The following EOGT variants were observed in gnomAD, a reference collection of about 807,000 sequenced individuals.
EOGT encodes the protein EGF domain-specific O-linked N-acetylglucosamine transferase.
A neutral mutation model predicts 70.5 loss-of-function variants in EOGT; 55 were observed. The observed-to-expected ratio is 0.78, with a 90% CI of 0.63 to 0.98. The LOEUF is 0.98. Among genes scored for constraint, EOGT ranks in the 50% least tolerant of loss-of-function variants. The probability of loss-of-function intolerance (pLI) is 0.00; values close to 1 mark genes in which losing one functional copy is unlikely to be tolerated. For missense variants in EOGT, 703 were observed against 641.9 expected (o/e 1.10, Z -1.03); for synonymous variants, 246 against 217.1 (o/e 1.13, Z -1.17).
chr3:68,994,650 G>A (rs1477298036), intron 10 of EOGT, among the ~76,000 whole-genome samples: 2 of 152,050 alleles, frequency 1.3e-5, no homozygotes, highest in African/African-American at 4.8e-5. Flanking sequence ...AAATTAGCCA[G>A]GTGTGATAGC....
rs1452879652 is a variant in EOGT, at chr3:68,976,662, G to GTGTGTGTGTC, written c.*955_*956insGACACACACA. The GTGTGTGTGTC allele has an allele frequency of 2.6e-5, 4 of 152,590 alleles. No individual in the cohort carries two copies. The highest frequency in any genetic ancestry group is 2.0e-4 in the Admixed American group (3 of 15,246). 9.5% of individuals were successfully genotyped at this position (152,590 alleles called of 1,614,324 possible). On this transcript the variant is annotated 3_prime_UTR_variant, in exon 18 of 18. Coordinates refer to ENST00000383701, the MANE Select transcript of EOGT (RefSeq NM_001278689.2). ...TCTGCGTGTGTGTGTGTGTGTGTGT[G>GTGTGTGTGTC]TGTGTGTGTATGTTTTGCATGTTTT... is the stretch of plus-strand genomic sequence containing the variant.
rs1182735058 is a variant in EOGT, at chr3:69,013,609, G to GGCGGAGGAGACGGCGGCTGTT, written c.-412_-392dup. On this transcript the variant is annotated 5_prime_UTR_variant, in exon 1 of 18. Coordinates refer to ENST00000383701, the MANE Select transcript of EOGT (RefSeq NM_001278689.2). ...GGCAGCCGTGAACTACCGAGGAGGA[G>GGCGGAGGAGACGGCGGCTGTT]GCGGAGGAGACGGCGGCTGTTCCAG... 6.5e-6 allele frequency: 1 copy of GGCGGAGGAGACGGCGGCTGTT among 153,306 alleles called. No homozygotes were observed. The highest frequency in any genetic ancestry group is 1.5e-5 in the Non-Finnish European group (1 of 68,926). 9.5% of individuals were successfully genotyped at this position (153,306 alleles called of 1,614,324 possible). A position where few individuals can be genotyped will look rare whatever the true frequency, so the allele number is the denominator to read the frequency against.
intron 3 of EOGT, among the ~76,000 whole-genome samples, chr3:69,010,232 G>T (rs1316916669): frequency 6.6e-6 from 1 of 152,194 alleles, no homozygotes; most frequent in Non-Finnish European, 1.5e-5. Flanking sequence ...AGGAGAAGCA[G>T]TAAATATTTT....
chr3:69,011,066 A>C (rs1456654851), intron 3 of EOGT, among the ~76,000 whole-genome samples: 2 of 152,156 alleles, frequency 1.3e-5, no homozygotes, highest in African/African-American at 2.4e-5. Context: ...GAACAGTGAT[A>C]ATGGTCAGAA....
chr3:68,998,017 C>A lies in EOGT; in HGVS notation c.825G>T (p.Trp275Cys). ...AGAGCACATTCTTACTTACGGTGTC[C>A]CACATCACGATGTACACGTCAGTAC... is the stretch of plus-strand genomic sequence containing the variant. ...SFSTDVYIVM[W>C]DTSSYGYGDL... Residue 275 changes from tryptophan to cysteine, a missense_variant, in exon 10 of 18, where the codon TGG becomes TGT. Transcript: ENST00000383701. 1 of 1,533,700 alleles carries A rather than the reference C, an allele frequency of 6.5e-7. No homozygotes were observed. The highest frequency in any genetic ancestry group is 1.2e-5 in the South Asian group (1 of 82,794).
chr3:68,991,780 T>C (rs978025042), intron 10 of EOGT, among the ~76,000 whole-genome samples: 1 of 152,108 alleles, frequency 6.6e-6, no homozygotes, highest in Non-Finnish European at 1.5e-5. Context: ...GATAAAGACA[T>C]ACCCTGAGAC....
chr3:68,999,212 G>A (rs1315064100), intron 9 of EOGT, among the ~76,000 whole-genome samples: 2 of 152,158 alleles, frequency 1.3e-5, no homozygotes, highest in African/African-American at 2.4e-5. Flanking sequence ...ACATCTTAAA[G>A]TACCCATCCC....
At chr3:69,005,585 A>G (rs1490488993) in intron 6 of EOGT, among the ~76,000 whole-genome samples, 1 of 152,204 alleles carries the variant, frequency 6.6e-6, no homozygotes, top group Non-Finnish European at 1.5e-5. Flanking sequence ...CAGCTATATG[A>G]AAAAGCAGCT....
Position 68,987,459 on chromosome 3 carries a change from G to C in EOGT, c.1138C>G (p.Leu380Val), listed in dbSNP as rs1285644978. The C allele has an allele frequency of 1.2e-6, 2 of 1,613,270 alleles. No homozygotes were observed. Among genetic ancestry groups the C allele is most frequent in the South Asian group, 2.2e-5 (2 of 90,982 alleles). ...CAAAAACTAACCTCATTTTGGTTAAGGATTTTCCGGTATTCTGTGCTCCGT... is the reference window on the plus strand; with the variant it reads ...CAAAAACTAACCTCATTTTGGTTAACGATTTTCCGGTATTCTGTGCTCCGT... ...LARSTEYRKI[L>V]NQNELVNALK... The change falls in exon 14 of 18, where the codon CTT (leucine) becomes GTT (valine). Residue 380 changes from leucine to valine, a missense_variant. Coordinates refer to ENST00000383701, the MANE Select transcript of EOGT (RefSeq NM_001278689.2).
In EOGT at chr3:68,978,606, G is replaced by C. The variant is rs189685541; in HGVS notation, c.1335-171C>G. Among the ~76,000 whole-genome samples, 50 of 152,284 alleles carry C rather than the reference G, an allele frequency of 3.3e-4. No homozygotes were observed. The East Asian group carries it at 6.9e-3, about 21-fold the overall frequency. ...GGAAGAGAATGTAAAAATATTCTCT[G>C]AACTAAATGAACTTAACTTTTAAAA... is the stretch of plus-strand genomic sequence containing the variant. On this transcript the variant is annotated intron_variant, in intron 16 of 17. Coordinates refer to ENST00000383701, the MANE Select transcript of EOGT (RefSeq NM_001278689.2).
intron 10 of EOGT, among the ~76,000 whole-genome samples, chr3:68,997,756 AAGAG>A (rs1259246975): frequency 6.6e-6 from 1 of 152,198 alleles, no homozygotes; most frequent in Non-Finnish European, 1.5e-5. Context: ...CCCACCCAGA[AAGAG>A]AAAGAAACCT....
In EOGT at chr3:69,012,782, G is replaced by C. The variant is rs2091608612; in HGVS notation, c.-338C>G. ...GAATCACTCCACTCCAGAAACCCTT[G>C]ATTCGATTTCCACAGGCCTAATGAG... On this transcript the variant is annotated 5_prime_UTR_variant, in exon 2 of 18. It adds an upstream start codon to the 5' untranslated region. Coordinates refer to ENST00000383701, the MANE Select transcript of EOGT (RefSeq NM_001278689.2). 1 of 152,200 alleles carries C rather than the reference G, an allele frequency of 6.6e-6. No homozygotes were observed. The highest frequency in any genetic ancestry group is 2.4e-5 in the African/African-American group (1 of 41,432). The allele number at this position is 152,200 out of a possible 1,614,324, so 9.4% of individuals were successfully genotyped here.
intron 9 of EOGT, among the ~76,000 whole-genome samples, chr3:69,000,687 G>A (rs1008722565): frequency 6.6e-6 from 1 of 152,112 alleles, no homozygotes; most frequent in African/African-American, 2.4e-5. Flanking sequence ...AGTAATCCCT[G>A]TCTCTCATAA....
Position 69,001,697 on chromosome 3 carries a change from C to G in EOGT, c.638G>C (p.Ser213Thr). The G allele has an allele frequency of 3.1e-6, 5 of 1,609,670 alleles. No individual in the cohort carries two copies. Among genetic ancestry groups the G allele is most frequent in the Non-Finnish European group, 4.2e-6 (5 of 1,177,994 alleles). ...PLQSWFAELQ[S>T]YTQLNFRPIE... ...AGGTCTGAAGTTGAGCTGAGTATAG[C>G]TTTGTAGCTCAGCAAACCTGAAATT... Residue 213 changes from serine (S) to threonine (T), a missense_variant, in exon 9 of 18, where the codon AGC (serine) becomes ACC (threonine). Transcript: ENST00000383701.
chr3:69,004,119 G>T (rs948372428), intron 8 of EOGT, among the ~76,000 whole-genome samples: 2 of 152,158 alleles, frequency 1.3e-5, no homozygotes, highest in Non-Finnish European at 1.5e-5. Context: ...CTTGGCAATT[G>T]TGAGTTAATA....
chr3:69,002,114 C>T (rs1267242934), intron 8 of EOGT, among the ~76,000 whole-genome samples: 1 of 152,130 alleles, frequency 6.6e-6, no homozygotes, highest in African/African-American at 2.4e-5. Flanking sequence ...ATCGCTTGAA[C>T]CTGGGAGGCA....
At chr3:69,009,241 T>G (rs962913781) in intron 4 of EOGT, among the ~76,000 whole-genome samples, 1 of 152,212 alleles carries the variant, frequency 6.6e-6, no homozygotes, top group Non-Finnish European at 1.5e-5. Flanking sequence ...GGCTTAATTA[T>G]GTGGAGACAG....
chr3:69,008,155 G>T (rs1228916057), intron 5 of EOGT, among the ~76,000 whole-genome samples: 1 of 152,156 alleles, frequency 6.6e-6, no homozygotes, highest in African/African-American at 2.4e-5. Context: ...CTCCCAGGAA[G>T]AATCAAGAAG....
In EOGT at chr3:68,976,281, C is replaced by A. The variant is rs553055967; in HGVS notation, c.*1337G>T. ...GTTTTTGAAATTAAAGACTGGAATACTTTCATGCTGACAGAGGTAGACGCA... is the reference window on the plus strand; with the variant it reads ...GTTTTTGAAATTAAAGACTGGAATAATTTCATGCTGACAGAGGTAGACGCA... On this transcript the variant is annotated 3_prime_UTR_variant, in exon 18 of 18. Coordinates refer to ENST00000383701, the MANE Select transcript of EOGT (RefSeq NM_001278689.2). 1.3e-5 allele frequency: 2 copies of A among 152,302 alleles called. No individual in the cohort carries two copies. The highest frequency in any genetic ancestry group is 4.1e-4 in the South Asian group (2 of 4,826). 9.4% of individuals were successfully genotyped at this position (152,302 alleles called of 1,614,324 possible).
Sources: allele counts gnomAD v4.1 joint callset (sites outside exome capture counted in the v4.1 genomes callset), GRCh38; gene constraint gnomAD v4.1.1; transcripts MANE v1.5; gene names NCBI Gene and HGNC (gene_info 2026-07-23, HGNC 2026-07-21).